TIAM2: variants seen among roughly 807,000 people sequenced by gnomAD.
TIAM2 encodes the protein TIAM Rac1 associated GEF 2.
A neutral mutation model predicts 152.9 loss-of-function variants in TIAM2; 80 were observed. The observed-to-expected ratio is 0.52, with a 90% confidence interval of 0.44 to 0.63. The LOEUF is 0.63. Among genes scored for constraint, TIAM2 ranks in the 30% least tolerant of loss-of-function variants. The pLI is 0.00. For synonymous variants in TIAM2, 804 were observed against 838.0 expected (o/e 0.96, Z 0.70); for missense variants, 1,965 against 2,120.1 (o/e 0.93, Z 1.44).
intron 1 of TIAM2, among the ~76,000 whole-genome samples, chr6:155,061,833 A>G (rs977491466): frequency 2.6e-5 from 4 of 152,272 alleles, no homozygotes; most frequent in African/African-American, 7.2e-5. Flanking sequence ...TTTTAAAAAA[A>G]TTTGTATGAC....
chr6:155,002,913 C>T (rs1055085904), intron 1 of TIAM2, among the ~76,000 whole-genome samples: 5 of 151,768 alleles, frequency 3.3e-5, no homozygotes, highest in South Asian at 2.1e-4. Flanking sequence ...AGGCTAGTCT[C>T]GAACTCTTGA....
At chr6:155,177,056 T>C in intron 10 of TIAM2, 79 bp downstream of exon 10, 3 of 1,454,596 alleles carry the variant, frequency 2.1e-6, no homozygotes, top group Non-Finnish European at 2.8e-6. Context: ...TCTAAATTCA[T>C]GTGATATTCA....
intron 14 of TIAM2, among the ~76,000 whole-genome samples, chr6:155,198,695 T>G (rs944558215): frequency 8.2e-6 from 1 of 122,120 alleles, no homozygotes; most frequent in Non-Finnish European, 1.7e-5. Flanking sequence ...AAAAAATCTC[T>G]TAATGAAAGT....
At chr6:155,067,570 C>T (rs1777726853) in intron 1 of TIAM2, among the ~76,000 whole-genome samples, 1 of 152,136 alleles carries the variant, frequency 6.6e-6, no homozygotes, top group African/African-American at 2.4e-5. Context: ...CCACTCCCTC[C>T]TAAGCTTCCC....
At chr6:155,193,966 C>T (rs1423777770) in intron 14 of TIAM2, among the ~76,000 whole-genome samples, 1 of 152,220 alleles carries the variant, frequency 6.6e-6, no homozygotes, top group Admixed American at 6.5e-5. Flanking sequence ...TAATTTTCAA[C>T]TTGTGGACTC....
chr6:155,183,391 G>T lies in TIAM2; in HGVS notation c.2955G>T (p.Trp985Cys), dbSNP rs1233592205. Residue 985 changes from tryptophan (W) to cysteine (C), a missense_variant, in exon 14 of 27, where the codon TGG (tryptophan) becomes TGT (cysteine). Coordinates refer to ENST00000682666, the MANE Select transcript of TIAM2 (RefSeq NM_012454.4). ...CAAAAGCAACCCTGTGTACATCCTG[G>T]TCAGACAGTGACCTGTTCTCCAGGG... Reference protein sequence around the residue: ...PDTKATLCTSWSDSDLFSRDQ... With the variant: ...PDTKATLCTSCSDSDLFSRDQ... 6.2e-7 allele frequency: 1 copy of T among 1,613,526 alleles called. No individual in the cohort carries two copies. Among genetic ancestry groups the T allele is most frequent in the Non-Finnish European group, 8.5e-7 (1 of 1,179,842 alleles).
chr6:155,223,973 G>A (rs9384302), intron 15 of TIAM2, among the ~76,000 whole-genome samples: 8,686 of 152,164 alleles, frequency 0.057, 315 homozygotes, highest in East Asian at 0.2. Flanking sequence ...AATCTCATCC[G>A]ATCTTTAATA....
chr6:155,097,328 T>G (rs934849992), intron 2 of TIAM2, among the ~76,000 whole-genome samples: 1 of 152,176 alleles, frequency 6.6e-6, no homozygotes, highest in Non-Finnish European at 1.5e-5. Context: ...TTGTTCCCTT[T>G]TCTGTGCAGA....
At chr6:155,005,174 G>A in intron 1 of TIAM2, 1 of 228,518 alleles carries the variant, frequency 4.4e-6, no homozygotes, top group South Asian at 8.0e-5. Flanking sequence ...TCAGCAGCTT[G>A]TCCCTCATTT....
intron 17 of TIAM2, among the ~76,000 whole-genome samples, 165 bp downstream of exon 17, chr6:155,244,244 T>C (rs530140733): frequency 4.9e-4 from 74 of 152,368 alleles, no homozygotes; most frequent in African/African-American, 1.7e-3. Flanking sequence ...ACCACTGCTG[T>C]GGCCTCGGCT....
chr6:155,170,606 A>C (rs1562340276), intron 9 of TIAM2, among the ~76,000 whole-genome samples: 4 of 152,194 alleles, frequency 2.6e-5, no homozygotes, highest in African/African-American at 9.6e-5. Context: ...ATCCCTGAAA[A>C]AAGAAAGTTA....
At chr6:155,118,271 A>G (rs1323335737) in intron 2 of TIAM2, among the ~76,000 whole-genome samples, 1 of 152,046 alleles carries the variant, frequency 6.6e-6, no homozygotes, top group African/African-American at 2.4e-5. Flanking sequence ...CTTTCCCTGA[A>G]GGAGCTGGGG....
chr6:155,245,569 C>T (rs1783269670), intron 18 of TIAM2, 54 bp from the exon 19 acceptor site: 32 of 1,434,492 alleles, frequency 2.2e-5, no homozygotes, highest in Non-Finnish European at 3.0e-5. Context: ...TGCCATAAGC[C>T]AGCACGCATT....
intron 14 of TIAM2, among the ~76,000 whole-genome samples, chr6:155,194,037 G>A (rs776218906): frequency 3.3e-5 from 5 of 152,302 alleles, no homozygotes; most frequent in East Asian, 1.9e-4. Context: ...GGGCTGTTCC[G>A]ATACATATGG....
At chr6:155,244,197 C>A in intron 17 of TIAM2, 118 bp downstream of exon 17, 2 of 1,010,126 alleles carry the variant, frequency 2.0e-6, no homozygotes, top group Non-Finnish European at 1.5e-6. Context: ...CAAGACTTAA[C>A]GGTCTTCTGA....
intron 13 of TIAM2, 66 bp from the exon 14 acceptor site, chr6:155,183,171 T>C: frequency 6.4e-7 from 1 of 1,558,504 alleles, no homozygotes; most frequent in South Asian, 1.2e-5. Flanking sequence ...CAGCCTTCTT[T>C]CATCTGAAAA....
At chr6:155,086,708 G>GA (rs10667680) in intron 1 of TIAM2, among the ~76,000 whole-genome samples, 19,991 of 133,454 alleles carry the variant, frequency 0.15, 1,638 homozygotes, top group Middle Eastern at 0.19. Flanking sequence ...CTCCATCTTG[G>GA]AAAAAAAAAA....
intron 1 of TIAM2, among the ~76,000 whole-genome samples, chr6:155,012,799 A>C (rs1159396742): frequency 6.6e-6 from 1 of 152,102 alleles, no homozygotes; most frequent in East Asian, 1.9e-4. Context: ...GATCCGCCCT[A>C]CTCGGGCTCC....
At chr6:155,228,112 G>T (rs1269789247) in intron 15 of TIAM2, among the ~76,000 whole-genome samples, 1 of 152,180 alleles carries the variant, frequency 6.6e-6, no homozygotes, top group African/African-American at 2.4e-5. Context: ...GGGAGAGTCT[G>T]GGCTCAGGTA....
Sources: allele counts gnomAD v4.1 joint callset (sites outside exome capture counted in the v4.1 genomes callset), GRCh38; gene constraint gnomAD v4.1.1; transcripts MANE v1.5; gene names NCBI Gene and HGNC (gene_info 2026-07-23, HGNC 2026-07-21).